CHRM3: variants seen among roughly 807,000 people sequenced by gnomAD.
CHRM3 encodes the protein muscarinic acetylcholine receptor M3.
Under a neutral mutation model 41.8 loss-of-function variants are expected in CHRM3, and 11 were observed. The ratio of observed to expected loss-of-function variants is 0.26; its 90% CI spans 0.17 to 0.44. CHRM3 has a LOEUF of 0.44. Among genes scored for constraint, CHRM3 ranks in the 20% least tolerant of loss-of-function variants. The probability of loss-of-function intolerance (pLI) is 1.00; values close to 1 mark genes in which losing one functional copy is unlikely to be tolerated. For synonymous variants in CHRM3, 297 were observed against 301.4 expected (o/e 0.99, Z 0.15); for missense variants, 571 against 745.4 (o/e 0.77, Z 2.72).
rs111699455 is a variant in CHRM3 at position 239,410,134 on chromosome 1, A to G, written c.-521+22907A>G. 8.1e-3 allele frequency among the ~76,000 whole-genome samples: 1,237 copies of G among 152,256 alleles called. 14 individuals are homozygous for G. The highest frequency in any genetic ancestry group is 0.029 in the African/African-American group (1,190 of 41,562). ...GTATGGTATTGAGATGTCTGCTACCAATTTTTAAAATGGTTTTCAGTCATG... is the reference window on the plus strand; with the variant it reads ...GTATGGTATTGAGATGTCTGCTACCGATTTTTAAAATGGTTTTCAGTCATG... On this transcript the variant is annotated intron_variant, in intron 1 of 6. Coordinates refer to ENST00000676153, the MANE Select transcript of CHRM3 (RefSeq NM_001375978.1).
At chr1:239,768,224 C>T (rs1332927210) in intron 5 of CHRM3, among the ~76,000 whole-genome samples, 2 of 152,216 alleles carry the variant, frequency 1.3e-5, no homozygotes, top group East Asian at 3.9e-4. Context: ...TATTTGGTAA[C>T]GTAAATTCTT....
intron 6 of CHRM3, among the ~76,000 whole-genome samples, chr1:239,852,211 G>A (rs1164701494): frequency 1.3e-5 from 2 of 152,062 alleles, no homozygotes; most frequent in African/African-American, 4.8e-5. Context: ...TTTGGGAAAG[G>A]ATTTAAAAGA....
At chr1:239,733,101 G>A (rs1558495603) in intron 5 of CHRM3, among the ~76,000 whole-genome samples, 1 of 152,152 alleles carries the variant, frequency 6.6e-6, no homozygotes, top group Non-Finnish European at 1.5e-5. Flanking sequence ...ATTCAGTAAA[G>A]ATGTTACGGC....
At chr1:239,539,163 C>T (rs1194429339) in intron 2 of CHRM3, among the ~76,000 whole-genome samples, 1 of 152,202 alleles carries the variant, frequency 6.6e-6, no homozygotes, top group Admixed American at 6.5e-5. Flanking sequence ...GAAGCTGCTT[C>T]AGATTCCCTG....
chr1:239,639,568 T>G (rs1286872615), intron 4 of CHRM3, among the ~76,000 whole-genome samples: 1 of 152,020 alleles, frequency 6.6e-6, no homozygotes, highest in African/African-American at 2.4e-5. Flanking sequence ...TCTGTTTGTC[T>G]GTTATTGGTG....
In CHRM3 at chr1:239,706,036, A is replaced by G. The variant is rs557411521; in HGVS notation, c.-147+27748A>G. Among the ~76,000 whole-genome samples the G allele has an allele frequency of 2.1e-4, 32 of 150,090 alleles. No individual in the cohort carries two copies. In the South Asian group the frequency reaches 6.1e-3, roughly 28 times the overall value. On this transcript the variant is annotated intron_variant, in intron 5 of 6. Transcript: ENST00000676153. ...AAGAGAATGATTATCATTTATTTAG[A>G]TTATTTTAAATTGTTTTTTATAAAT...
chr1:239,584,340 G>C (rs1572792718), intron 3 of CHRM3, among the ~76,000 whole-genome samples: 1 of 152,160 alleles, frequency 6.6e-6, no homozygotes, highest in Admixed American at 6.5e-5. Context: ...CTGATCTCAA[G>C]TGATCTGCCC....
At chr1:239,694,041 G>T (rs954445976) in intron 5 of CHRM3, among the ~76,000 whole-genome samples, 1 of 152,082 alleles carries the variant, frequency 6.6e-6, no homozygotes, top group East Asian at 1.9e-4. Flanking sequence ...TTGGGGTGCC[G>T]TGAGCATTAT....
chr1:239,867,455 C>G (rs879830718), intron 6 of CHRM3, among the ~76,000 whole-genome samples: 5 of 152,052 alleles, frequency 3.3e-5, no homozygotes, highest in Admixed American at 6.6e-5. Flanking sequence ...TGGGAAGCCG[C>G]GGCGGGCAGA....
chr1:239,540,408 G>C (rs936150313), intron 2 of CHRM3, among the ~76,000 whole-genome samples: 7 of 152,134 alleles, frequency 4.6e-5, no homozygotes, highest in Non-Finnish European at 1.0e-4. Flanking sequence ...AAAAAAATCT[G>C]CCTCTGTTTC....
chr1:239,838,289 T>C (rs1673494378), intron 6 of CHRM3, among the ~76,000 whole-genome samples: 1 of 152,172 alleles, frequency 6.6e-6, no homozygotes, highest in Non-Finnish European at 1.5e-5. Context: ...CCAACTTAAT[T>C]GTAGATTATG....
At chr1:239,451,058 C>A (rs540263033) in intron 1 of CHRM3, among the ~76,000 whole-genome samples, 24 of 152,062 alleles carry the variant, frequency 1.6e-4, no homozygotes, top group Non-Finnish European at 2.9e-4. Context: ...CCTGTCTCTA[C>A]AAATAATGTT....
intron 1 of CHRM3, among the ~76,000 whole-genome samples, chr1:239,452,993 G>C (rs925386657): frequency 6.6e-6 from 1 of 152,044 alleles, no homozygotes; most frequent in Admixed American, 6.5e-5. Flanking sequence ...GTAGAGATGG[G>C]GTTTCACTGT....
intron 5 of CHRM3, among the ~76,000 whole-genome samples, chr1:239,772,028 G>A (rs141544292): frequency 6.6e-5 from 10 of 152,278 alleles, no homozygotes; most frequent in African/African-American, 2.4e-4. Flanking sequence ...GATAAAATAG[G>A]TGATACAGTG....
intron 1 of CHRM3, among the ~76,000 whole-genome samples, chr1:239,472,848 AC>A (rs1472445454): frequency 3.9e-5 from 6 of 152,146 alleles, no homozygotes; most frequent in African/African-American, 1.4e-4. Context: ...TTTGTAACAG[AC>A]CTGCATATCC....
Position 239,748,203 on chromosome 1 carries a change from C to T in CHRM3, c.-147+69915C>T, listed in dbSNP as rs1335294102. On this transcript the variant is annotated intron_variant, in intron 5 of 6. Coordinates refer to ENST00000676153, the MANE Select transcript of CHRM3 (RefSeq NM_001375978.1). This position sits in a 1 kb window ranked among gnomAD's most constrained non-coding sequence, Gnocchi z 4.3. ...CTTAAGAAGAAAGTGTATACACACC[C>T]GTTATCTGCACTAATTGAAGATGTA... Among the ~76,000 whole-genome samples, 1 of 152,186 alleles carries T rather than the reference C, an allele frequency of 6.6e-6. No homozygotes were observed. Among genetic ancestry groups the T allele is most frequent in the South Asian group, 2.1e-4 (1 of 4,834 alleles).
At chr1:239,793,175 AT>A (rs1669486120) in intron 5 of CHRM3, among the ~76,000 whole-genome samples, 1 of 152,258 alleles carries the variant, frequency 6.6e-6, no homozygotes, top group Non-Finnish European at 1.5e-5. Context: ...ATGAGTAGCC[AT>A]TCTAAAAGGT....
At chr1:239,752,709 C>A (rs1368175494) in intron 5 of CHRM3, among the ~76,000 whole-genome samples, 1 of 152,032 alleles carries the variant, frequency 6.6e-6, no homozygotes, top group African/African-American at 2.4e-5. Context: ...TTTATTCATT[C>A]AAACATTTAA....
chr1:239,617,749 A>G (rs1040525387), intron 3 of CHRM3, among the ~76,000 whole-genome samples: 1 of 152,168 alleles, frequency 6.6e-6, no homozygotes, highest in African/African-American at 2.4e-5. Flanking sequence ...ACAATATGAT[A>G]TTAAAATATC....
Sources: gnomAD v4.1 joint callset for allele counts (sites outside exome capture counted in the v4.1 genomes callset) on GRCh38, gnomAD v4.1.1 for gene constraint, Gnocchi (gnomAD v3.1) non-coding constraint, MANE v1.5 for transcripts, NCBI Gene and HGNC (gene_info 2026-07-23, HGNC 2026-07-21) for gene names.